Variants in LAMA2 observed in about 807,000 individuals in gnomAD.
The protein encoded by LAMA2 is laminin subunit alpha-2.
Under a neutral mutation model 364.8 loss-of-function variants are expected in LAMA2, and 269 were observed. The observed-to-expected ratio is 0.74, with a 90% CI of 0.67 to 0.82. The LOEUF (loss-of-function observed/expected upper bound fraction) is 0.82, where lower values mean the gene tolerates loss of function less well. LAMA2 is among the 40% of genes least tolerant of loss of function. The probability of loss-of-function intolerance (pLI) is 0.00; values close to 1 mark genes in which losing one functional copy is unlikely to be tolerated. For missense variants in LAMA2, 3,807 were observed against 3,873.2 expected (o/e 0.98, Z 0.45); for synonymous variants, 1,379 against 1,370.6 (o/e 1.01, Z -0.14).
At chr6:129,069,193 A>T (rs1773138721) in intron 3 of LAMA2, among the ~76,000 whole-genome samples, 1 of 152,014 alleles carries the variant, frequency 6.6e-6, no homozygotes, top group Admixed American at 6.6e-5. Context: ...AACCACATGA[A>T]TTCTGTTATG....
chr6:129,461,730 A>C (rs1783262202), intron 49 of LAMA2, among the ~76,000 whole-genome samples: 1 of 152,018 alleles, frequency 6.6e-6, no homozygotes, highest in South Asian at 2.1e-4. Context: ...ACTTCAACAC[A>C]TAAAGTATTA....
chr6:129,435,654 C>T (rs1227086008), intron 41 of LAMA2, among the ~76,000 whole-genome samples: 4 of 152,162 alleles, frequency 2.6e-5, no homozygotes, highest in Non-Finnish European at 5.9e-5. Context: ...TAACAACAGA[C>T]ACTTTAAACA....
intron 63 of LAMA2, among the ~76,000 whole-genome samples, chr6:129,512,715 A>G (rs1022107382): frequency 2.6e-5 from 4 of 152,192 alleles, no homozygotes; most frequent in Admixed American, 2.6e-4. Context: ...TTGTACAGCA[A>G]GCCAATCGTG....
intron 1 of LAMA2, among the ~76,000 whole-genome samples, chr6:129,040,559 G>A (rs1787017931): frequency 6.6e-6 from 1 of 152,164 alleles, no homozygotes; most frequent in South Asian, 2.1e-4. Flanking sequence ...AGCCTAGGAG[G>A]CAGAGGCTTC....
intron 14 of LAMA2, among the ~76,000 whole-genome samples, chr6:129,254,090 T>C (rs1207792366): frequency 6.6e-6 from 1 of 152,222 alleles, no homozygotes; most frequent in Non-Finnish European, 1.5e-5. Context: ...ATCACTTGAA[T>C]TGATTTCAAC....
intron 30 of LAMA2, among the ~76,000 whole-genome samples, chr6:129,348,905 T>C (rs1776708064): frequency 6.6e-6 from 1 of 152,168 alleles, no homozygotes; most frequent in African/African-American, 2.4e-5. Flanking sequence ...TTTTTTAACC[T>C]AAGAGATATT....
rs1189690006 is a variant in LAMA2 at position 128,883,795 on chromosome 6, T to TACACAC, written c.112+439_112+440insCACACA. Among the ~76,000 whole-genome samples, 582 of 132,592 alleles carry TACACAC rather than the reference T, an allele frequency of 4.4e-3. 1 individual carries two copies. The highest frequency in any genetic ancestry group is 0.019 in the African/African-American group (563 of 29,762). The allele number at this position is 132,592 out of a possible 152,430, so 87.0% of individuals were successfully genotyped here. A position where few individuals can be genotyped will look rare whatever the true frequency, so the allele number is the denominator to read the frequency against. ...ATGCATCAAAAAAAAATTATATATA[T>TACACAC]ATATATACACACACACACACACACA... On this transcript the variant is annotated intron_variant, in intron 1 of 64. Transcript: ENST00000421865.
intron 4 of LAMA2, among the ~76,000 whole-genome samples, chr6:129,133,242 C>T (rs1265117954): frequency 6.6e-6 from 1 of 152,136 alleles, no homozygotes; most frequent in Non-Finnish European, 1.5e-5. Context: ...CTACAGTTTC[C>T]TTTTACAGAG....
chr6:128,961,365 ATATT>A (rs1259483193), intron 1 of LAMA2, among the ~76,000 whole-genome samples: 11 of 93,280 alleles, frequency 1.2e-4, no homozygotes, highest in African/African-American at 2.2e-4. Flanking sequence ...ATATATATAT[ATATT>A]AGTTTATTAA....
chr6:129,436,636 A>T (rs535441296), intron 41 of LAMA2, among the ~76,000 whole-genome samples: 2 of 152,140 alleles, frequency 1.3e-5, no homozygotes, highest in African/African-American at 2.4e-5. Flanking sequence ...TAATAAACTT[A>T]TTAACTTGCT....
chr6:129,467,570 T>A (rs1783608953), intron 51 of LAMA2, among the ~76,000 whole-genome samples: 1 of 151,922 alleles, frequency 6.6e-6, no homozygotes, highest in Admixed American at 6.6e-5. Flanking sequence ...TGGCTAATGC[T>A]ATAAACTCTA....
intron 32 of LAMA2, among the ~76,000 whole-genome samples, chr6:129,364,045 A>G (rs759227255): frequency 1.3e-5 from 2 of 152,140 alleles, no homozygotes; most frequent in Non-Finnish European, 2.9e-5. Flanking sequence ...CTCTTTGTTC[A>G]TTCAGCTTGT....
At chr6:129,326,751 T>TAA (rs1326979863) in intron 28 of LAMA2, among the ~76,000 whole-genome samples, 1 of 145,082 alleles carries the variant, frequency 6.9e-6, no homozygotes, top group African/African-American at 2.5e-5. Flanking sequence ...ATTATATATA[T>TAA]AATTTATATA....
At chr6:128,920,848 G>A (rs770034224) in intron 1 of LAMA2, among the ~76,000 whole-genome samples, 1 of 152,084 alleles carries the variant, frequency 6.6e-6, no homozygotes, top group Non-Finnish European at 1.5e-5. Context: ...GATGTTGAGA[G>A]TATGAAGCAC....
intron 29 of LAMA2, among the ~76,000 whole-genome samples, chr6:129,333,660 T>C (rs1180857626): frequency 6.6e-6 from 1 of 152,164 alleles, no homozygotes. Context: ...CATCAACTGC[T>C]TGCCTGACAA....
intron 12 of LAMA2, among the ~76,000 whole-genome samples, chr6:129,214,288 A>G (rs932087481): frequency 6.6e-6 from 1 of 152,184 alleles, no homozygotes; most frequent in African/African-American, 2.4e-5. Flanking sequence ...ATGACCAAAC[A>G]CAAGAGGGAG....
intron 59 of LAMA2, 59 bp from the exon 60 acceptor site, chr6:129,503,032 A>G (rs1785773464): frequency 6.7e-7 from 1 of 1,484,532 alleles, no homozygotes; most frequent in Admixed American, 1.7e-5. Context: ...ATACCGCTCT[A>G]TTTTAGCATG....
intron 32 of LAMA2, among the ~76,000 whole-genome samples, chr6:129,363,626 T>C (rs1374536081): frequency 1.3e-5 from 2 of 152,166 alleles, no homozygotes; most frequent in Admixed American, 1.3e-4. Flanking sequence ...AGACCAACAG[T>C]AGCAATATCA....
In LAMA2 at chr6:129,055,456, A is replaced by G. The variant is rs906328658; in HGVS notation, c.284-4328A>G. Among the ~76,000 whole-genome samples the G allele has an allele frequency of 1.2e-4, 19 of 152,178 alleles. No individual in the cohort carries two copies. The East Asian group carries it at 3.7e-3, about 29-fold the overall frequency. On this transcript the variant is annotated intron_variant, in intron 2 of 64. Transcript: ENST00000421865. The stretch of plus-strand genomic sequence containing the variant: ...TGATCTACCTGCCTTGGCCTCCCAA[A>G]GTGCTGGGATTACAGGTGTGAGCCA...
Sources: allele counts gnomAD v4.1 joint callset (sites outside exome capture counted in the v4.1 genomes callset), GRCh38; gene constraint gnomAD v4.1.1; transcripts MANE v1.5; gene names NCBI Gene and HGNC (gene_info 2026-07-23, HGNC 2026-07-21).